PALS2: variants seen among roughly 807,000 people sequenced by gnomAD.
PALS2 encodes protein associated with LIN7 2, MAGUK p55 family member, also known as protein PALS2.
PALS2 carries 27 observed loss-of-function variants against 61.6 expected under a neutral mutation model. The observed-to-expected ratio is 0.44, with a 90% CI of 0.32 to 0.60. The LOEUF is 0.60. Among genes scored for constraint, PALS2 ranks in the 20% least tolerant of loss-of-function variants. The probability of loss-of-function intolerance (pLI) is 0.05; values close to 1 mark genes in which losing one functional copy is unlikely to be tolerated. For missense variants in PALS2, 554 were observed against 639.4 expected, an observed-to-expected ratio of 0.87 and a Z score of 1.44; for synonymous variants, 236 against 218.6, an observed-to-expected ratio of 1.08 and a Z score of -0.70.
intron 1 of PALS2, among the ~76,000 whole-genome samples, chr7:24,582,951 G>C (rs1252974107): frequency 7.6e-6 from 1 of 131,154 alleles, no homozygotes; most frequent in Non-Finnish European, 1.5e-5. Flanking sequence ...CTAGAGTGCA[G>C]TGGCGTGATC....
intron 2 of PALS2, among the ~76,000 whole-genome samples, chr7:24,632,997 A>G (rs1035356567): frequency 6.6e-6 from 1 of 151,160 alleles, no homozygotes; most frequent in Non-Finnish European, 1.5e-5. Flanking sequence ...CAGTGCAACT[A>G]CCTTATAAAA....
chr7:24,638,040 C>T (rs1004088906), intron 2 of PALS2, among the ~76,000 whole-genome samples: 2 of 151,690 alleles, frequency 1.3e-5, no homozygotes, highest in African/African-American at 4.8e-5. Flanking sequence ...TGTGTGTTTC[C>T]TTTGTCTTTT....
intron 1 of PALS2, among the ~76,000 whole-genome samples, chr7:24,577,850 T>A (rs1392346680): frequency 6.6e-6 from 1 of 152,228 alleles, no homozygotes; most frequent in Non-Finnish European, 1.5e-5. Flanking sequence ...TTCAAACCAT[T>A]TATCAGTATC....
chr7:24,640,860 T>C (rs1241552668), intron 2 of PALS2, among the ~76,000 whole-genome samples: 2 of 151,824 alleles, frequency 1.3e-5, no homozygotes, highest in Non-Finnish European at 2.9e-5. Context: ...TACAAAAAAT[T>C]AGCCAGGCTT....
intron 1 of PALS2, among the ~76,000 whole-genome samples, chr7:24,619,737 AAAG>A (rs1294863449): frequency 6.7e-6 from 1 of 149,640 alleles, no homozygotes; most frequent in African/African-American, 2.4e-5. Flanking sequence ...AAAAAAAAAG[AAAG>A]AAAAAAGAAT....
chr7:24,594,555 A>C (rs185273140), intron 1 of PALS2, among the ~76,000 whole-genome samples: 6 of 152,224 alleles, frequency 3.9e-5, no homozygotes, highest in Non-Finnish European at 8.8e-5. Flanking sequence ...AGAATTATTA[A>C]TTAGCCTCAT....
At chr7:24,602,654 T>C (rs1562607995) in intron 1 of PALS2, among the ~76,000 whole-genome samples, 1 of 152,166 alleles carries the variant, frequency 6.6e-6, no homozygotes, top group Non-Finnish European at 1.5e-5. Context: ...TTTCATTGTC[T>C]TTGGTCGAGA....
chr7:24,651,849 T>C (rs1054975069), intron 5 of PALS2, among the ~76,000 whole-genome samples: 4 of 152,224 alleles, frequency 2.6e-5, no homozygotes, highest in Non-Finnish European at 5.9e-5. Flanking sequence ...TTCCATACAG[T>C]TATTTGAAAT....
In PALS2 at chr7:24,660,543, A is replaced by C. The variant is rs116509369; in HGVS notation, c.652-3047A>C. Reference sequence around the variant, plus strand: ...TTGGTGCATACACTTCCTATTGACAAACACACACACACACACACTTTTTTA... The same window carrying C: ...TTGGTGCATACACTTCCTATTGACACACACACACACACACACACTTTTTTA... On this transcript the variant is annotated intron_variant, in intron 5 of 11. Coordinates refer to ENST00000222644, the MANE Select transcript of PALS2 (RefSeq NM_001303037.2). Among the ~76,000 whole-genome samples, 781 of 150,876 alleles carry C rather than the reference A, an allele frequency of 5.2e-3. 7 individuals are homozygous for C. The highest frequency in any genetic ancestry group is 0.017 in the African/African-American group (712 of 41,210).
chr7:24,631,763 C>G (rs902106716), intron 2 of PALS2, among the ~76,000 whole-genome samples: 6 of 152,236 alleles, frequency 3.9e-5, no homozygotes, highest in African/African-American at 1.4e-4. Context: ...AGCATCAAGA[C>G]AAGACCTTAC....
intron 2 of PALS2, among the ~76,000 whole-genome samples, chr7:24,627,752 A>G (rs1172703448): frequency 1.3e-5 from 2 of 152,222 alleles, no homozygotes; most frequent in Non-Finnish European, 2.9e-5. Context: ...TCTGCCAATA[A>G]ACTAGAAAAT....
intron 8 of PALS2, among the ~76,000 whole-genome samples, chr7:24,667,653 ATAAATTTTTTTT>A (rs1787092851): frequency 6.9e-6 from 1 of 144,884 alleles, no homozygotes; most frequent in Non-Finnish European, 1.5e-5. Context: ...GCTTGATTAG[ATAAATTTTTTTT>A]TTTTTTTTTT....
intron 1 of PALS2, among the ~76,000 whole-genome samples, chr7:24,592,766 A>G (rs928125504): frequency 3.9e-5 from 6 of 152,146 alleles, no homozygotes; most frequent in African/African-American, 1.4e-4. Context: ...TAAAAAATGT[A>G]CATACCTTGA....
chr7:24,663,596 G>A lies in PALS2; in HGVS notation c.658G>A (p.Val220Met), dbSNP rs767911744. 1.3e-6 allele frequency: 2 copies of A among 1,590,460 alleles called. No homozygotes were observed. The highest frequency in any genetic ancestry group is 1.1e-5 in the South Asian group (1 of 89,674). ...RDTITPQQVFVKCHFDYNPYN... is the reference protein window; with the variant it reads ...RDTITPQQVFMKCHFDYNPYN... ...ATTGTGCTATGTGTTTTAGGTATTT[G>A]TGAAGTGTCATTTTGATTATAATCC... The change falls in exon 6 of 12, where the codon GTG (valine) becomes ATG (methionine). Residue 220 changes from valine to methionine, a missense_variant. By Grantham distance (21) the Val-to-Met change is conservative. Transcript: ENST00000222644.
intron 1 of PALS2, among the ~76,000 whole-genome samples, chr7:24,595,408 A>AT (rs1249405375): frequency 2.8e-5 from 4 of 142,156 alleles, no homozygotes; most frequent in Admixed American, 7.4e-5. Context: ...ATATATAAAA[A>AT]ATATATATAA....
At chr7:24,634,906 T>G (rs972346428) in intron 2 of PALS2, among the ~76,000 whole-genome samples, 2 of 152,202 alleles carry the variant, frequency 1.3e-5, no homozygotes, top group African/African-American at 4.8e-5. Context: ...GTTTTATTTT[T>G]TTACTTTCAA....
intron 1 of PALS2, among the ~76,000 whole-genome samples, chr7:24,612,870 A>G (rs1335585479): frequency 6.6e-6 from 1 of 151,850 alleles, no homozygotes; most frequent in Non-Finnish European, 1.5e-5. Context: ...CGTAGTGGGC[A>G]TTCTTGTCTA....
intron 5 of PALS2, among the ~76,000 whole-genome samples, chr7:24,654,189 A>G (rs1350268616): frequency 6.6e-6 from 1 of 151,748 alleles, no homozygotes; most frequent in African/African-American, 2.4e-5. Context: ...GTTTAAAACA[A>G]AGATAAAGCC....
At position 24,630,329 on chromosome 7, in the gene PALS2, G is replaced by A. The variant is rs545724336; in HGVS notation, c.117+6545G>A. Among the ~76,000 whole-genome samples, 21 of 152,162 alleles carry A rather than the reference G, an allele frequency of 1.4e-4. No individual in the cohort carries two copies. The South Asian group carries it at 1.7e-3, about 12-fold the overall frequency. ...GGAACATCACACACCGATCCCTGTC[G>A]GGGGTTTGGGAGGCAAGGGGAGGGG... On this transcript the variant is annotated intron_variant, in intron 2 of 11. Coordinates refer to ENST00000222644, the MANE Select transcript of PALS2 (RefSeq NM_001303037.2).
Sources: gnomAD v4.1 joint callset for allele counts (sites outside exome capture counted in the v4.1 genomes callset) on GRCh38, gnomAD v4.1.1 for gene constraint, MANE v1.5 for transcripts, NCBI Gene and HGNC (gene_info 2026-07-23, HGNC 2026-07-21) for gene names.